Variants in FGF2 observed in about 807,000 individuals in gnomAD.
FGF2 encodes basic fibroblast growth factor bFGF.
FGF2 carries 13 observed loss-of-function variants against 15.9 expected under a neutral mutation model. That is an observed-to-expected ratio of 0.82 (90% CI 0.53 to 1.30). The LOEUF (loss-of-function observed/expected upper bound fraction) is 1.30, where lower values mean the gene tolerates loss of function less well. Among genes scored for constraint, FGF2 ranks in the 50% most tolerant of loss-of-function variants. The probability of loss-of-function intolerance (pLI) is 0.00; values close to 1 mark genes in which losing one functional copy is unlikely to be tolerated. For missense variants in FGF2, 163 were observed against 196.9 expected (o/e 0.83, Z 1.03); for synonymous variants, 90 against 78.4 (o/e 1.15, Z -0.78).
Position 122,827,437 on chromosome 4 carries a change from CG to C in FGF2, c.178+87del. 1 of 1,464,614 alleles carries C rather than the reference CG, an allele frequency of 6.8e-7. No homozygotes were observed. 90.7% of individuals were successfully genotyped at this position (1,464,614 alleles called of 1,614,324 possible). ...TCCCCTCCAGCCTGCACCCTCCTCC[CG>C]GATCTTCACTGCGACCCTAGCGCTC... On this transcript the variant is annotated intron_variant, in intron 1 of 2. Coordinates refer to ENST00000644866, the MANE Select transcript of FGF2 (RefSeq NM_001361665.2). The surrounding 1 kb of genome is among the most constrained non-coding windows in gnomAD (Gnocchi z 4.2).
intron 1 of FGF2, among the ~76,000 whole-genome samples, chr4:122,862,112 C>T (rs1164429359): frequency 6.6e-6 from 1 of 152,172 alleles, no homozygotes; most frequent in African/African-American, 2.4e-5. Context: ...GTTATATTTT[C>T]CTTTGGGCTT....
intron 1 of FGF2, among the ~76,000 whole-genome samples, chr4:122,833,058 C>G (rs1351518754): frequency 4.6e-5 from 7 of 152,194 alleles, no homozygotes; most frequent in African/African-American, 1.7e-4. Flanking sequence ...AGGCAACAGA[C>G]AGCCAATATT....
In FGF2 at chr4:122,893,165, A is replaced by T; in HGVS notation, c.*769A>T. 2 of 1,614,146 alleles carry T rather than the reference A, an allele frequency of 1.2e-6. No homozygotes were observed. The highest frequency in any genetic ancestry group is 1.7e-6 in the Non-Finnish European group (2 of 1,180,016). ...TGTGTGCTGTTGCCGAATACTCAGGACGGACCTGAATTCTGATTTTATACC... is the reference window on the plus strand; with the variant it reads ...TGTGTGCTGTTGCCGAATACTCAGGTCGGACCTGAATTCTGATTTTATACC... On this transcript the variant is annotated 3_prime_UTR_variant, in exon 3 of 3. Coordinates refer to ENST00000644866, the MANE Select transcript of FGF2 (RefSeq NM_001361665.2).
intron 1 of FGF2, chr4:122,840,397 CAGCCTAT>C (rs1467829131): frequency 5.9e-5 from 9 of 152,404 alleles, no homozygotes; most frequent in African/African-American, 2.2e-4. Context: ...TAGCCACGTA[CAGCCTAT>C]TTGTGGCAGG....
intron 1 of FGF2, among the ~76,000 whole-genome samples, chr4:122,870,179 A>C (rs1429045396): frequency 6.6e-6 from 1 of 152,180 alleles, no homozygotes; most frequent in Non-Finnish European, 1.5e-5. Flanking sequence ...CCCAGGGATG[A>C]AGTCGACTTG....
chr4:122,866,551 G>T (rs371764795), intron 1 of FGF2, among the ~76,000 whole-genome samples: 3 of 152,126 alleles, frequency 2.0e-5, no homozygotes, highest in African/African-American at 7.2e-5. Flanking sequence ...TTCAAAGAAG[G>T]TAACCAAATA....
intron 1 of FGF2, among the ~76,000 whole-genome samples, chr4:122,876,060 A>T (rs1726839393): frequency 6.6e-6 from 1 of 151,968 alleles, no homozygotes; most frequent in African/African-American, 2.4e-5. Context: ...ACCCTGTGAC[A>T]CCTTCTCTGC....
intron 2 of FGF2, among the ~76,000 whole-genome samples, chr4:122,880,467 C>G (rs1726940134): frequency 6.6e-6 from 1 of 152,050 alleles, no homozygotes. Context: ...CCAGGGTGGT[C>G]TTGATCTCCC....
chr4:122,864,350 G>A (rs1016645356), intron 1 of FGF2, among the ~76,000 whole-genome samples: 4 of 152,230 alleles, frequency 2.6e-5, no homozygotes, highest in Admixed American at 2.0e-4. Context: ...GTTGTGTGTC[G>A]GGCAGTGTGC....
At chr4:122,861,036 T>C (rs1490053113) in intron 1 of FGF2, among the ~76,000 whole-genome samples, 1 of 152,214 alleles carries the variant, frequency 6.6e-6, no homozygotes, top group African/African-American at 2.4e-5. Flanking sequence ...CTTCCTGCAC[T>C]AGCTCGTACT....
chr4:122,846,925 C>G (rs534805746), intron 1 of FGF2, among the ~76,000 whole-genome samples: 1 of 152,106 alleles, frequency 6.6e-6, no homozygotes, highest in Non-Finnish European at 1.5e-5. Context: ...GTCAGTCACA[C>G]GATGGATGCA....
chr4:122,852,014 A>G (rs998712627), intron 1 of FGF2, among the ~76,000 whole-genome samples: 4 of 152,232 alleles, frequency 2.6e-5, no homozygotes, highest in Non-Finnish European at 5.9e-5. Context: ...CTGTCAAATA[A>G]TAAGTAACCA....
At position 122,827,435 on chromosome 4, in the gene FGF2, C is replaced by A; in HGVS notation, c.178+83C>A. ...TCTCCCCTCCAGCCTGCACCCTCCT[C>A]CCGGATCTTCACTGCGACCCTAGCG... On this transcript the variant is annotated intron_variant, in intron 1 of 2. Transcript: ENST00000644866. This position sits in a 1 kb window ranked among gnomAD's most constrained non-coding sequence, Gnocchi z 4.2. 2.0e-6 allele frequency: 3 copies of A among 1,492,100 alleles called. No individual in the cohort carries two copies. Among genetic ancestry groups the A allele is most frequent in the East Asian group, 2.3e-5 (1 of 43,184 alleles). 92.4% of individuals were successfully genotyped at this position (1,492,100 alleles called of 1,614,324 possible).
chr4:122,871,371 C>G (rs1159973868), intron 1 of FGF2, among the ~76,000 whole-genome samples: 1 of 151,912 alleles, frequency 6.6e-6, no homozygotes, highest in East Asian at 1.9e-4. Flanking sequence ...TCCTGAATAT[C>G]CTTGTTAATT....
At position 122,839,875 on chromosome 4, in the gene FGF2, A is replaced by G. The variant is rs1032749418; in HGVS notation, c.178+12523A>G. Among the ~76,000 whole-genome samples, 4 of 152,188 alleles carry G rather than the reference A, an allele frequency of 2.6e-5. No individual in the cohort carries two copies. In the East Asian group the frequency reaches 7.7e-4, roughly 29 times the overall value. On this transcript the variant is annotated intron_variant, in intron 1 of 2. Coordinates refer to ENST00000644866, the MANE Select transcript of FGF2 (RefSeq NM_001361665.2). ...TCGAACAATAGAAATTTATCTTCTT[A>G]TAGTTCTGGAGGCTGGAAGTCCAAG...
intron 1 of FGF2, among the ~76,000 whole-genome samples, chr4:122,852,280 C>T (rs1726250132): frequency 6.6e-6 from 1 of 152,174 alleles, no homozygotes; most frequent in Non-Finnish European, 1.5e-5. Context: ...ACTTACATGT[C>T]CAATACCTTA....
Position 122,898,179 on chromosome 4 carries a change from AT to A in FGF2, c.*5785del, listed in dbSNP as rs1363699739. The A allele has an allele frequency of 1.3e-5, 2 of 152,496 alleles. No homozygotes were observed. Among genetic ancestry groups the A allele is most frequent in the African/African-American group, 4.8e-5 (2 of 41,410 alleles). 9.4% of individuals were successfully genotyped at this position (152,496 alleles called of 1,614,324 possible). On this transcript the variant is annotated 3_prime_UTR_variant, in exon 3 of 3. Transcript: ENST00000644866. Reference sequence around the variant, plus strand: ...GTTAATGATTTTATGTAAAAATGTAATTGCTTTTCATGAGTAGTATGAATAA... The same window carrying A: ...GTTAATGATTTTATGTAAAAATGTAATGCTTTTCATGAGTAGTATGAATAA...
rs1213076668 is a variant in FGF2 at position 122,896,205 on chromosome 4, AG to A, written c.*3811del. The A allele has an allele frequency of 1.3e-5, 2 of 152,164 alleles. No individual in the cohort carries two copies. Among genetic ancestry groups the A allele is most frequent in the African/African-American group, 2.4e-5 (1 of 41,258 alleles). The allele number at this position is 152,164 out of a possible 1,614,324, so 9.4% of individuals were successfully genotyped here. ...ACTTTTTTTTTTTTTAAAGAAAAAA[AG>A]GTAGTGAATTTTTAATCATCTGGAC... On this transcript the variant is annotated 3_prime_UTR_variant, in exon 3 of 3. Coordinates refer to ENST00000644866, the MANE Select transcript of FGF2 (RefSeq NM_001361665.2).
intron 2 of FGF2, 128 bp from the exon 3 acceptor site, chr4:122,892,083 C>T (rs370293181): frequency 2.4e-6 from 2 of 818,842 alleles, no homozygotes; most frequent in South Asian, 1.7e-5. Context: ...GTTTGATTGC[C>T]CTGCTGAACC....
Sources: gnomAD v4.1 joint callset for allele counts (sites outside exome capture counted in the v4.1 genomes callset) on GRCh38, gnomAD v4.1.1 for gene constraint, Gnocchi (gnomAD v3.1) non-coding constraint, MANE v1.5 for transcripts, NCBI Gene and HGNC (gene_info 2026-07-23, HGNC 2026-07-21) for gene names.